The following CTNNA3 variants were observed in gnomAD, a reference collection of about 807,000 sequenced individuals.
CTNNA3 encodes catenin alpha 3.
Under a neutral mutation model 95.7 loss-of-function variants are expected in CTNNA3, and 76 were observed. The observed-to-expected ratio is 0.79, with a 90% CI of 0.66 to 0.96. The LOEUF (loss-of-function observed/expected upper bound fraction) is 0.96. Ranked by LOEUF, CTNNA3 falls within the 40% of genes least tolerant of loss-of-function variation. The pLI is 0.00. For missense variants in CTNNA3, 1,191 were observed against 1,089.8 expected, an observed-to-expected ratio of 1.09 and a Z score of -1.31; for synonymous variants, 431 against 374.4, an observed-to-expected ratio of 1.15 and a Z score of -1.74.
intron 1 of CTNNA3, among the ~76,000 whole-genome samples, chr10:67,704,800 T>C (rs1841067601): frequency 6.6e-6 from 1 of 152,066 alleles, no homozygotes; most frequent in Admixed American, 6.5e-5. Context: ...ACTCAAGAGC[T>C]TCTGCACAGC....
intron 5 of CTNNA3, among the ~76,000 whole-genome samples, chr10:67,517,839 C>T (rs978027857): frequency 6.6e-6 from 1 of 152,054 alleles, no homozygotes; most frequent in Middle Eastern, 3.2e-3. Context: ...CATTCTATCC[C>T]ATATGTTCAG....
At chr10:66,565,202 A>AT (rs1188174893) in intron 10 of CTNNA3, among the ~76,000 whole-genome samples, 20 of 152,282 alleles carry the variant, frequency 1.3e-4, no homozygotes, top group African/African-American at 4.6e-4. Context: ...CACCTATAAA[A>AT]CAATCACTTC....
chr10:66,407,038 G>C (rs1178854884), intron 11 of CTNNA3, among the ~76,000 whole-genome samples: 1 of 151,438 alleles, frequency 6.6e-6, no homozygotes. Context: ...TCTTCAAAGG[G>C]CTCCTCTGAT....
At chr10:67,726,621 A>G (rs1841228563) in intron 1 of CTNNA3, among the ~76,000 whole-genome samples, 2 of 63,062 alleles carry the variant, frequency 3.2e-5, no homozygotes, top group African/African-American at 1.4e-4. Flanking sequence ...AATATATAAT[A>G]TATATTATAT....
At chr10:67,372,689 T>A (rs922686195) in intron 5 of CTNNA3, among the ~76,000 whole-genome samples, 3 of 151,836 alleles carry the variant, frequency 2.0e-5, no homozygotes, top group African/African-American at 7.3e-5. Flanking sequence ...TTCACCAAAG[T>A]TGAAATGAAG....
chr10:66,443,542 C>T (rs926496744), intron 11 of CTNNA3, among the ~76,000 whole-genome samples: 2 of 152,176 alleles, frequency 1.3e-5, no homozygotes, highest in Admixed American at 6.5e-5. Context: ...GCAGCCACCA[C>T]GGCTGACACC....
At chr10:66,801,321 T>C (rs2132234159) in intron 7 of CTNNA3, among the ~76,000 whole-genome samples, 1 of 151,342 alleles carries the variant, frequency 6.6e-6, no homozygotes, top group South Asian at 2.1e-4. Flanking sequence ...TATTTTTATA[T>C]AATAAAAATA....
chr10:66,095,237 T>C (rs1206004126), intron 14 of CTNNA3, among the ~76,000 whole-genome samples: 1 of 152,066 alleles, frequency 6.6e-6, no homozygotes, highest in Admixed American at 6.6e-5. Flanking sequence ...ATGAGAACTC[T>C]AATAAACCCT....
chr10:67,715,506 A>C (rs1018294554), intron 1 of CTNNA3, among the ~76,000 whole-genome samples: 2 of 152,156 alleles, frequency 1.3e-5, no homozygotes, highest in African/African-American at 2.4e-5. Flanking sequence ...AGAAACTTTT[A>C]TTTAATTAGG....
chr10:66,020,895 G>T (rs763133594), intron 15 of CTNNA3, among the ~76,000 whole-genome samples: 2 of 151,852 alleles, frequency 1.3e-5, no homozygotes, highest in Non-Finnish European at 2.9e-5. Context: ...GGATGGTCTC[G>T]ATCTCCTGAC....
intron 15 of CTNNA3, among the ~76,000 whole-genome samples, chr10:66,004,334 C>T (rs2078835710): frequency 6.6e-6 from 1 of 152,124 alleles, no homozygotes; most frequent in Non-Finnish European, 1.5e-5. Context: ...AAATAAATAG[C>T]CCCTTCTTTG....
intron 5 of CTNNA3, among the ~76,000 whole-genome samples, chr10:67,392,248 C>T (rs564657365): frequency 6.6e-6 from 1 of 152,230 alleles, no homozygotes; most frequent in East Asian, 1.9e-4. Context: ...GGGCAAAGGA[C>T]AAGAACAGAC....
At chr10:67,602,490 T>A (rs1205574820) in intron 3 of CTNNA3, among the ~76,000 whole-genome samples, 2 of 152,204 alleles carry the variant, frequency 1.3e-5, no homozygotes, top group East Asian at 3.8e-4. Flanking sequence ...AGTAAAGCAT[T>A]TGGTGATCTT....
In CTNNA3 at chr10:66,341,288, T is replaced by C. The variant is rs61867299; in HGVS notation, c.1732+37864A>G. On this transcript the variant is annotated intron_variant, in intron 12 of 17. Coordinates refer to ENST00000433211, the MANE Select transcript of CTNNA3 (RefSeq NM_013266.4). ...AACTGCACACGTTCTGAAAGTTTAC[T>C]AAATGCAAATAAAATAGTCTCTTTG... is the stretch of plus-strand genomic sequence containing the variant. 3.0e-3 allele frequency among the ~76,000 whole-genome samples: 459 copies of C among 152,042 alleles called. 5 individuals are homozygous for C. The highest frequency in any genetic ancestry group is 5.0e-3 in the Non-Finnish European group (342 of 67,808).
At chr10:66,750,026 T>C (rs181117908) in intron 9 of CTNNA3, among the ~76,000 whole-genome samples, 28 of 152,290 alleles carry the variant, frequency 1.8e-4, no homozygotes, top group African/African-American at 6.0e-4. Flanking sequence ...TGGTTAGAGA[T>C]TTGTTTAGGC....
At chr10:66,900,588 G>C (rs979374002) in intron 7 of CTNNA3, among the ~76,000 whole-genome samples, 1 of 152,218 alleles carries the variant, frequency 6.6e-6, no homozygotes, top group South Asian at 2.1e-4. Flanking sequence ...AGCTAAAAGA[G>C]CATGTTCTAA....
intron 5 of CTNNA3, among the ~76,000 whole-genome samples, chr10:67,362,525 A>C (rs1043026545): frequency 4.6e-5 from 7 of 152,300 alleles, no homozygotes; most frequent in African/African-American, 1.4e-4. Flanking sequence ...ACAAAACCAT[A>C]TATCATCTTA....
chr10:67,739,277 A>T (rs955470436), intron 1 of CTNNA3, among the ~76,000 whole-genome samples: 4 of 152,238 alleles, frequency 2.6e-5, no homozygotes, highest in African/African-American at 9.6e-5. Context: ...GCCAATATTC[A>T]ACATTCTTAA....
rs71474007 is a variant in CTNNA3, at chr10:66,024,085, A to ATTTTTTTTTTTTTTTTTTTT, written c.2160-35308_2160-35289dup. Among the ~76,000 whole-genome samples, 136 of 87,742 alleles carry ATTTTTTTTTTTTTTTTTTTT rather than the reference A, an allele frequency of 1.5e-3. 28 individuals are homozygous for ATTTTTTTTTTTTTTTTTTTT. The highest frequency in any genetic ancestry group is 3.2e-3 in the Admixed American group (19 of 5,900). 57.6% of individuals were successfully genotyped at this position (87,742 alleles called of 152,430 possible). A position where few individuals can be genotyped will look rare whatever the true frequency, so the allele number is the denominator to read the frequency against. On this transcript the variant is annotated intron_variant, in intron 15 of 17. Coordinates refer to ENST00000433211, the MANE Select transcript of CTNNA3 (RefSeq NM_013266.4). ...TATCACAGAAACTTATACCATACACATTTTTTTTTTTTTTTTTTTTTTGAG... is the reference window on the plus strand; with the variant it reads ...TATCACAGAAACTTATACCATACACATTTTTTTTTTTTTTTTTTTTTTTTTTTTTTTTTTTTTTTTTTGAG...
Sources: gnomAD v4.1 joint callset for allele counts (sites outside exome capture counted in the v4.1 genomes callset) on GRCh38, gnomAD v4.1.1 for gene constraint, MANE v1.5 for transcripts, NCBI Gene and HGNC (gene_info 2026-07-23, HGNC 2026-07-21) for gene names.